The following PDSS2 variants were observed in gnomAD, a reference collection of about 807,000 sequenced individuals.
The protein encoded by PDSS2 is all trans-polyprenyl-diphosphate synthase PDSS2.
In PDSS2, 31 loss-of-function variants were observed where a neutral mutation model predicts 44.5. The observed-to-expected ratio is 0.70, with a 90% CI of 0.52 to 0.94. The LOEUF (loss-of-function observed/expected upper bound fraction) is 0.94, where lower values mean the gene tolerates loss of function less well. Ranked by LOEUF, PDSS2 falls within the 40% of genes least tolerant of loss-of-function variation. The probability of loss-of-function intolerance (pLI) is 0.00; values close to 1 mark genes in which losing one functional copy is unlikely to be tolerated. For synonymous variants in PDSS2, 157 were observed against 180.3 expected, an observed-to-expected ratio of 0.87 and a Z score of 1.03; for missense variants, 452 against 482.2, an observed-to-expected ratio of 0.94 and a Z score of 0.59.
intron 7 of PDSS2, among the ~76,000 whole-genome samples, chr6:107,164,962 CT>C (rs1376083365): frequency 6.6e-6 from 1 of 152,168 alleles, no homozygotes; most frequent in Non-Finnish European, 1.5e-5. Context: ...GCATAAATGT[CT>C]TCTTTTGAGT....
At chr6:107,341,085 G>C (rs1174019207) in intron 1 of PDSS2, among the ~76,000 whole-genome samples, 1 of 152,188 alleles carries the variant, frequency 6.6e-6, no homozygotes, top group Non-Finnish European at 1.5e-5. Flanking sequence ...GCTATGTTGT[G>C]TACGGTGGAA....
At chr6:107,200,062 C>A (rs546256185) in intron 6 of PDSS2, among the ~76,000 whole-genome samples, 87 of 152,170 alleles carry the variant, frequency 5.7e-4, no homozygotes, top group African/African-American at 2.1e-3. Flanking sequence ...AGTGCTTCAA[C>A]CTTAAAAGCA....
At chr6:107,236,247 A>G (rs1409475053) in intron 4 of PDSS2, among the ~76,000 whole-genome samples, 1 of 152,220 alleles carries the variant, frequency 6.6e-6, no homozygotes, top group Non-Finnish European at 1.5e-5. Context: ...AAGGAAAACT[A>G]AATTGTCAAC....
chr6:107,339,714 T>C (rs1778020550), intron 1 of PDSS2, among the ~76,000 whole-genome samples: 1 of 140,774 alleles, frequency 7.1e-6, no homozygotes, highest in Non-Finnish European at 1.5e-5. Context: ...AAAGGGGGAG[T>C]GGGAAGGAAA....
rs1156793117 is a variant in PDSS2 at position 107,334,138 on chromosome 6, C to T, written c.431+60G>A. 2.8e-6 allele frequency: 4 copies of T among 1,407,776 alleles called. No individual in the cohort carries two copies. In the African/African-American group the frequency reaches 4.2e-5, roughly 15 times the overall value. 87.2% of individuals were successfully genotyped at this position (1,407,776 alleles called of 1,614,324 possible). On this transcript the variant is annotated intron_variant, in intron 2 of 7. Transcript: ENST00000369037. ...AAAGAATGGTGATTTCCACTGACCTCTGTCCAGTAAAAGAAAACACGATGT... is the reference window on the plus strand; with the variant it reads ...AAAGAATGGTGATTTCCACTGACCTTTGTCCAGTAAAAGAAAACACGATGT...
intron 1 of PDSS2, among the ~76,000 whole-genome samples, chr6:107,337,675 T>C (rs1376377226): frequency 6.6e-6 from 1 of 152,214 alleles, no homozygotes; most frequent in African/African-American, 2.4e-5. Flanking sequence ...TCTTATTTTT[T>C]TCTCAACTCT....
intron 1 of PDSS2, among the ~76,000 whole-genome samples, chr6:107,418,925 A>G (rs1008355207): frequency 6.6e-6 from 1 of 152,152 alleles, no homozygotes; most frequent in Non-Finnish European, 1.5e-5. Flanking sequence ...TATCAATTCT[A>G]TTGTTGCATG....
chr6:107,455,754 C>CAA (rs60783838), intron 1 of PDSS2, among the ~76,000 whole-genome samples: 642 of 55,668 alleles, frequency 0.012, 70 homozygotes, highest in African/African-American at 0.041. Flanking sequence ...GACTCTGTCT[C>CAA]AAAAAAAAAA....
At chr6:107,406,109 T>C (rs1260727485) in intron 1 of PDSS2, among the ~76,000 whole-genome samples, 11 of 152,182 alleles carry the variant, frequency 7.2e-5, no homozygotes, top group Non-Finnish European at 1.5e-5. Flanking sequence ...CTCAGCTTTA[T>C]CAATTTATCA....
intron 1 of PDSS2, among the ~76,000 whole-genome samples, chr6:107,384,584 T>C (rs999665496): frequency 6.6e-6 from 1 of 150,618 alleles, no homozygotes; most frequent in Non-Finnish European, 1.5e-5. Flanking sequence ...GAGGTTGCAG[T>C]GAGTCGAGAT....
chr6:107,376,561 T>C (rs1184305736), intron 1 of PDSS2, among the ~76,000 whole-genome samples: 1 of 152,196 alleles, frequency 6.6e-6, no homozygotes, highest in Non-Finnish European at 1.5e-5. Context: ...TGGCTCTCTG[T>C]CTGTTATTGG....
chr6:107,189,845 C>T (rs1211892936), intron 7 of PDSS2, among the ~76,000 whole-genome samples: 2 of 151,758 alleles, frequency 1.3e-5, no homozygotes, highest in South Asian at 2.1e-4. Context: ...TTCTTTGAGT[C>T]ATAAAAAAAG....
chr6:107,285,269 A>G lies in PDSS2; in HGVS notation c.432-11042T>C, dbSNP rs536408587. Reference sequence around the variant, plus strand: ...TGGGAAGAATAAATTTGAAAATTACAAAAAAACAAAACTTTGGAAAAAAAA... The same window carrying G: ...TGGGAAGAATAAATTTGAAAATTACGAAAAAACAAAACTTTGGAAAAAAAA... On this transcript the variant is annotated intron_variant, in intron 2 of 7. Coordinates refer to ENST00000369037, the MANE Select transcript of PDSS2 (RefSeq NM_020381.4). Among the ~76,000 whole-genome samples the G allele has an allele frequency of 7.4e-4, 112 of 152,282 alleles. 1 individual carries two copies. Among genetic ancestry groups the G allele is most frequent in the African/African-American group, 2.5e-3 (103 of 41,564 alleles).
Position 107,288,672 on chromosome 6 carries a change from A to G in PDSS2, c.432-14445T>C, listed in dbSNP as rs1776235290. Among the ~76,000 whole-genome samples, 2 of 151,836 alleles carry G rather than the reference A, an allele frequency of 1.3e-5. 1 individual carries two copies. The highest frequency in any genetic ancestry group is 4.8e-5 in the African/African-American group (2 of 41,310). On this transcript the variant is annotated intron_variant, in intron 2 of 7. Transcript: ENST00000369037. ...ACTGAAGAGGGCCTTGAAAAGAGCA[A>G]GCAACGAGTTTAGGTTTTTCTAGAG...
intron 2 of PDSS2, among the ~76,000 whole-genome samples, chr6:107,300,648 T>C (rs904480963): frequency 2.6e-5 from 4 of 152,214 alleles, no homozygotes; most frequent in Non-Finnish European, 5.9e-5. Context: ...ATGATCGGGA[T>C]ATAAACCTAG....
chr6:107,447,906 CAG>C (rs1781740271), intron 1 of PDSS2, among the ~76,000 whole-genome samples: 1 of 152,214 alleles, frequency 6.6e-6, no homozygotes, highest in Admixed American at 6.5e-5. Flanking sequence ...GAAATCTAGG[CAG>C]AGATTTCCAA....
chr6:107,190,961 G>C (rs377277409), intron 7 of PDSS2, among the ~76,000 whole-genome samples: 1 of 151,908 alleles, frequency 6.6e-6, no homozygotes, highest in African/African-American at 2.4e-5. Context: ...GCGTGATCTC[G>C]GCTCACTGCA....
intron 1 of PDSS2, among the ~76,000 whole-genome samples, chr6:107,422,766 A>T (rs1780866205): frequency 6.6e-6 from 1 of 152,064 alleles, no homozygotes; most frequent in Admixed American, 6.5e-5. Context: ...AACACTAGGT[A>T]TCTCTGAGTA....
At chr6:107,376,676 T>C (rs936657470) in intron 1 of PDSS2, among the ~76,000 whole-genome samples, 2 of 152,072 alleles carry the variant, frequency 1.3e-5, no homozygotes, top group Non-Finnish European at 2.9e-5. Context: ...AATGGGGTTT[T>C]CTAGATATAC....
Sources: gnomAD v4.1 joint callset for allele counts (sites outside exome capture counted in the v4.1 genomes callset) on GRCh38, gnomAD v4.1.1 for gene constraint, MANE v1.5 for transcripts, NCBI Gene and HGNC (gene_info 2026-07-23, HGNC 2026-07-21) for gene names.